The following CLCA4 variants were observed in gnomAD, a reference collection of about 807,000 sequenced individuals.
CLCA4 encodes chloride channel accessory 4.
Under a neutral mutation model 78.9 loss-of-function variants are expected in CLCA4, and 69 were observed. The ratio of observed to expected loss-of-function variants is 0.87; its 90% CI spans 0.72 to 1.07. The LOEUF (loss-of-function observed/expected upper bound fraction) is 1.07. Ranked by LOEUF, CLCA4 falls within the 50% of genes least tolerant of loss-of-function variation. The pLI is 0.00. For synonymous variants in CLCA4, 362 were observed against 375.8 expected, an observed-to-expected ratio of 0.96 and a Z score of 0.42; for missense variants, 1,133 against 1,095.8, an observed-to-expected ratio of 1.03 and a Z score of -0.48.
chr1:86,575,661 T>C, intron 11 of CLCA4, 62 bp downstream of exon 11: 1 of 1,417,836 alleles, frequency 7.1e-7, no homozygotes, highest in Non-Finnish European at 9.8e-7. Context: ...TGTGAGTCCC[T>C]GTGGCATTGT....
chr1:86,556,278 G>A (rs1444511167), intron 1 of CLCA4, among the ~76,000 whole-genome samples: 1 of 152,170 alleles, frequency 6.6e-6, no homozygotes, highest in African/African-American at 2.4e-5. Context: ...CTTGTCTTGT[G>A]CCAGTTTTCA....
chr1:86,573,588 T>A (rs1466092976), intron 9 of CLCA4, among the ~76,000 whole-genome samples: 1 of 151,084 alleles, frequency 6.6e-6, no homozygotes, highest in Non-Finnish European at 1.5e-5. Context: ...GAACAGAAGT[T>A]ATGGGATGTG....
In CLCA4 at chr1:86,576,815, C is replaced by T. The variant is rs188021301; in HGVS notation, c.1952-1087C>T. The stretch of plus-strand genomic sequence containing the variant: ...CTGGCTGGTAGGAATCAAGATGCAA[C>T]GTTGGCCATTATCTGTCTCCCTGGT... On this transcript the variant is annotated intron_variant, in intron 11 of 13. Coordinates refer to ENST00000370563, the MANE Select transcript of CLCA4 (RefSeq NM_012128.4). 2.6e-4 allele frequency among the ~76,000 whole-genome samples: 39 copies of T among 152,112 alleles called. No homozygotes were observed. The East Asian group carries it at 6.4e-3, about 25-fold the overall frequency.
chr1:86,560,416 C>G (rs543076695), intron 3 of CLCA4, 58 bp downstream of exon 3: 13 of 1,572,288 alleles, frequency 8.3e-6, no homozygotes, highest in African/African-American at 1.4e-5. Flanking sequence ...ACTTTTTATG[C>G]AGGTTAAGTG....
At chr1:86,550,639 C>T (rs756576511) in intron 1 of CLCA4, among the ~76,000 whole-genome samples, 81 of 151,780 alleles carry the variant, frequency 5.3e-4, no homozygotes, top group Non-Finnish European at 9.7e-4. Flanking sequence ...GTAAGTATCA[C>T]AGTCAGAGGT....
intron 10 of CLCA4, among the ~76,000 whole-genome samples, 155 bp downstream of exon 10, chr1:86,574,910 T>A (rs1011718259): frequency 6.6e-6 from 1 of 151,896 alleles, no homozygotes; most frequent in Non-Finnish European, 1.5e-5. Flanking sequence ...AAAACTATGA[T>A]GGTAGGAAAA....
In CLCA4 at chr1:86,560,004, A is replaced by T. The variant is rs1229549761; in HGVS notation, c.232A>T (p.Ile78Leu). Reference protein sequence around the residue: ...EKRFFFKNVSILIPENWKENP... With the variant: ...EKRFFFKNVSLLIPENWKENP... ...AAGATTTTTTTTCAAAAATGTATCT[A>T]TATTAATTCCTGAGAATTGGAAGGA... Residue 78 changes from isoleucine to leucine, a missense_variant, in exon 2 of 14, where the codon ATA (isoleucine) becomes TTA (leucine). By Grantham distance (5) the Ile-to-Leu change is conservative (BLOSUM62 2). Transcript: ENST00000370563. 6.2e-7 allele frequency: 1 copy of T among 1,609,158 alleles called. No individual in the cohort carries two copies. Among genetic ancestry groups the T allele is most frequent in the East Asian group, 2.2e-5 (1 of 44,802 alleles).
chr1:86,554,515 G>T (rs549030301), intron 1 of CLCA4, among the ~76,000 whole-genome samples: 1 of 151,962 alleles, frequency 6.6e-6, no homozygotes, highest in Non-Finnish European at 1.5e-5. Flanking sequence ...TCTGCCCACC[G>T]CGGCCTCCCA....
chr1:86,569,097 A>G (rs1247068383), intron 7 of CLCA4, among the ~76,000 whole-genome samples: 1 of 152,062 alleles, frequency 6.6e-6, no homozygotes. Context: ...CTTATGGTAC[A>G]TGTATATAAG....
Position 86,563,782 on chromosome 1 carries a change from A to G in CLCA4, c.557+13A>G. ...TCGAAGCAACAAGGCATGGCTATTT[A>G]AATTTTCTAAACTGACTTCAGGCTT... On this transcript the variant is annotated intron_variant, in intron 4 of 13. Coordinates refer to ENST00000370563, the MANE Select transcript of CLCA4 (RefSeq NM_012128.4). 6.9e-7 allele frequency: 1 copy of G among 1,442,650 alleles called. No individual in the cohort carries two copies. Among genetic ancestry groups the G allele is most frequent in the Non-Finnish European group, 9.6e-7 (1 of 1,036,544 alleles). The allele number at this position is 1,442,650 out of a possible 1,614,324, so 89.4% of individuals were successfully genotyped here. A position where few individuals can be genotyped will look rare whatever the true frequency, so the allele number is the denominator to read the frequency against.
At chr1:86,558,050 C>T (rs1300136926) in intron 1 of CLCA4, among the ~76,000 whole-genome samples, 2 of 151,520 alleles carry the variant, frequency 1.3e-5, no homozygotes, top group Admixed American at 1.3e-4. Context: ...GGTAGGTTTT[C>T]TCCATCTTTT....
intron 1 of CLCA4, among the ~76,000 whole-genome samples, chr1:86,558,903 A>C (rs1649930907): frequency 6.6e-6 from 1 of 152,124 alleles, no homozygotes; most frequent in South Asian, 2.1e-4. Context: ...GTTTCAGCTG[A>C]GAGGTCCACT....
At chr1:86,556,169 C>T (rs1478121165) in intron 1 of CLCA4, among the ~76,000 whole-genome samples, 1 of 152,204 alleles carries the variant, frequency 6.6e-6, no homozygotes, top group Non-Finnish European at 1.5e-5. Context: ...TTGACTCCCT[C>T]TCTTCCTATT....
At chr1:86,552,715 G>A (rs1302067723) in intron 1 of CLCA4, 11 of 1,383,234 alleles carry the variant, frequency 8.0e-6, no homozygotes, top group Non-Finnish European at 1.1e-5. Flanking sequence ...CCAAGCCCTC[G>A]AGCCCTTCAC....
chr1:86,565,643 T>C (rs1442811431), intron 5 of CLCA4, among the ~76,000 whole-genome samples, 159 bp from the exon 6 acceptor site: 4 of 152,118 alleles, frequency 2.6e-5, no homozygotes, highest in African/African-American at 7.2e-5. Flanking sequence ...TAATTCTTAT[T>C]ATGGTAAATC....
chr1:86,560,335 A>C lies in CLCA4; in HGVS notation c.425A>C (p.Lys142Thr), dbSNP rs1338288373. The change falls in exon 3 of 14, where the codon AAA becomes ACA. Residue 142 changes from lysine (K) to threonine (T), a missense_variant. Physicochemically the swap from Lys to Thr is moderately conservative, Grantham distance 78 (BLOSUM62 -1). Coordinates refer to ENST00000370563, the MANE Select transcript of CLCA4 (RefSeq NM_012128.4). The part of the protein sequence containing the change: ...HFTPDLLLGK[K>T]QNEYGPPGKL... The stretch of plus-strand genomic sequence containing the variant: ...ACCCCTGACCTTCTACTTGGAAAAA[A>C]ACAAAATGAATATGGACCACCAGGT... The C allele has an allele frequency of 6.2e-7, 1 of 1,613,716 alleles. No individual in the cohort carries two copies. The highest frequency in any genetic ancestry group is 8.5e-7 in the Non-Finnish European group (1 of 1,179,874).
rs1650660523 is a variant in CLCA4, at chr1:86,580,030, G to T, written c.2445G>T (p.Leu815=). 1 of 1,612,114 alleles carries T rather than the reference G, an allele frequency of 6.2e-7. No individual in the cohort carries two copies. The highest frequency in any genetic ancestry group is 8.5e-7 in the Non-Finnish European group (1 of 1,178,854). Residue 815 remains leucine, a synonymous_variant, in exon 14 of 14, where the codon CTG becomes CTT. Transcript: ENST00000370563. ...CTCTTCAAGTAAATACTACTGATCTGTCACCAAAGGAGGCCAACTCCAAGG... is the reference window on the plus strand; with the variant it reads ...CTCTTCAAGTAAATACTACTGATCTTTCACCAAAGGAGGCCAACTCCAAGG... ...DDALQVNTTD[L]SPKEANSKES...
intron 3 of CLCA4, among the ~76,000 whole-genome samples, chr1:86,562,247 A>C (rs1434117249): frequency 6.6e-6 from 1 of 152,226 alleles, no homozygotes; most frequent in African/African-American, 2.4e-5. Flanking sequence ...AGAACGAATC[A>C]AGTCTGAGTA....
intron 1 of CLCA4, among the ~76,000 whole-genome samples, chr1:86,550,677 G>C (rs1326207748): frequency 6.6e-6 from 1 of 151,808 alleles, no homozygotes; most frequent in African/African-American, 2.4e-5. Context: ...AGGAGGCAGA[G>C]GTTGCAGTGA....
Sources: gnomAD v4.1 joint callset for allele counts (sites outside exome capture counted in the v4.1 genomes callset) on GRCh38, gnomAD v4.1.1 for gene constraint, MANE v1.5 for transcripts, NCBI Gene and HGNC (gene_info 2026-07-23, HGNC 2026-07-21) for gene names.